STXBP5L: variants seen among roughly 807,000 people sequenced by gnomAD.
STXBP5L encodes syntaxin-binding protein 5-like.
STXBP5L carries 65 observed loss-of-function variants against 144.5 expected under a neutral mutation model. That is an observed-to-expected ratio of 0.45 (90% CI 0.37 to 0.55). The LOEUF is 0.55. Among genes scored for constraint, STXBP5L ranks in the 20% least tolerant of loss-of-function variants. The pLI, the probability that STXBP5L is intolerant of heterozygous loss-of-function variation, is 0.00. For missense variants in STXBP5L, 1,298 were observed against 1,405.5 expected (o/e 0.92, Z 1.22); for synonymous variants, 505 against 469.6 (o/e 1.08, Z -0.97).
rs1295450388 is a variant in STXBP5L, at chr3:121,121,631, G to T, written c.606-10G>T. The T allele has an allele frequency of 1.3e-6, 2 of 1,587,364 alleles. No individual in the cohort carries two copies. Among genetic ancestry groups the T allele is most frequent in the South Asian group, 1.1e-5 (1 of 87,988 alleles). The stretch of plus-strand genomic sequence containing the variant: ...TGGTTTTTAATTACTGTTTTGAATT[G>T]ATTTAACAGATCCACTAAGACTCAT... On this transcript the variant is annotated splice_polypyrimidine_tract_variant and intron_variant, in intron 6 of 26. Transcript: ENST00000471454.
Position 120,909,730 on chromosome 3 carries a change from A to G in STXBP5L, c.152A>G (p.Gln51Arg). Reference sequence around the variant, plus strand: ...GCAGGGGTTCTCAGAGAGGAAATTCAGGAAACTTTGACTTCGGAGTATTTC... The same window carrying G: ...GCAGGGGTTCTCAGAGAGGAAATTCGGGAAACTTTGACTTCGGAGTATTTC... The part of the protein sequence containing the change: ...GTAGVLREEI[Q>R]ETLTSEYFQI... The change falls in exon 2 of 27, where the codon CAG becomes CGG. Residue 51 changes from glutamine (Q) to arginine (R), a missense_variant. Transcript: ENST00000471454. The G allele has an allele frequency of 6.2e-7, 1 of 1,611,792 alleles. No individual in the cohort carries two copies. The highest frequency in any genetic ancestry group is 8.5e-7 in the Non-Finnish European group (1 of 1,179,414).
intron 20 of STXBP5L, among the ~76,000 whole-genome samples, chr3:121,370,256 T>C (rs191154102): frequency 1.3e-5 from 2 of 152,246 alleles, no homozygotes; most frequent in Non-Finnish European, 2.9e-5. Flanking sequence ...TAATCCCAGC[T>C]ACTTGGGAGG....
chr3:120,910,198 C>G (rs1708758222), intron 2 of STXBP5L, among the ~76,000 whole-genome samples: 1 of 152,078 alleles, frequency 6.6e-6, no homozygotes, highest in South Asian at 2.1e-4. Flanking sequence ...TTTAAGGGGG[C>G]CAATGACATT....
chr3:121,069,012 G>T (rs1359328136), intron 5 of STXBP5L, among the ~76,000 whole-genome samples: 2 of 152,080 alleles, frequency 1.3e-5, no homozygotes, highest in African/African-American at 2.4e-5. Flanking sequence ...GTGTGTGTGT[G>T]TGTATACTTG....
At chr3:121,183,310 A>T (rs1484728997) in intron 9 of STXBP5L, among the ~76,000 whole-genome samples, 1 of 152,226 alleles carries the variant, frequency 6.6e-6, no homozygotes, top group African/African-American at 2.4e-5. Flanking sequence ...AGACAAGAGA[A>T]TAAAATGAAA....
At chr3:121,034,591 T>C (rs749790288) in intron 3 of STXBP5L, among the ~76,000 whole-genome samples, 1 of 152,066 alleles carries the variant, frequency 6.6e-6, no homozygotes, top group Non-Finnish European at 1.5e-5. Context: ...TATGTATCTA[T>C]CTAGCTCACA....
chr3:121,031,541 A>T (rs1247960672), intron 3 of STXBP5L, among the ~76,000 whole-genome samples: 3 of 152,060 alleles, frequency 2.0e-5, no homozygotes, highest in African/African-American at 7.2e-5. Context: ...TTACATCTAA[A>T]GGCAGTCTGG....
At chr3:121,314,689 G>A (rs576297490) in intron 19 of STXBP5L, among the ~76,000 whole-genome samples, 63 of 152,210 alleles carry the variant, frequency 4.1e-4, no homozygotes, top group African/African-American at 1.5e-3. Context: ...CCATCAGAGT[G>A]AACAGGCAAC....
intron 20 of STXBP5L, among the ~76,000 whole-genome samples, chr3:121,371,413 G>T (rs947232108): frequency 2.6e-5 from 4 of 152,224 alleles, no homozygotes; most frequent in African/African-American, 9.6e-5. Flanking sequence ...CTGGCCACTG[G>T]TCACAGCATT....
intron 2 of STXBP5L, among the ~76,000 whole-genome samples, chr3:120,920,089 T>C (rs777483615): frequency 1.3e-5 from 2 of 151,844 alleles, no homozygotes; most frequent in Non-Finnish European, 3.0e-5. Context: ...ATATATTTCT[T>C]TTGGTACAAT....
At chr3:121,165,811 C>A (rs954033956) in intron 9 of STXBP5L, among the ~76,000 whole-genome samples, 1 of 152,122 alleles carries the variant, frequency 6.6e-6, no homozygotes, top group Non-Finnish European at 1.5e-5. Context: ...AGTGTGCATT[C>A]CTCCCAGTGG....
At chr3:121,189,837 C>G (rs546959877) in intron 9 of STXBP5L, among the ~76,000 whole-genome samples, 1 of 151,776 alleles carries the variant, frequency 6.6e-6, no homozygotes, top group Admixed American at 6.6e-5. Context: ...ATAAAATGAC[C>G]AACTTAAAAT....
intron 5 of STXBP5L, among the ~76,000 whole-genome samples, chr3:121,089,922 G>T (rs1576914755): frequency 6.6e-6 from 1 of 151,886 alleles, no homozygotes; most frequent in Non-Finnish European, 1.5e-5. Context: ...TTTGTAATTG[G>T]TTCTTTTTAC....
chr3:120,925,673 C>T (rs929854840), intron 2 of STXBP5L, among the ~76,000 whole-genome samples: 1 of 152,170 alleles, frequency 6.6e-6, no homozygotes, highest in African/African-American at 2.4e-5. Context: ...TTTACTACTG[C>T]CATACTATTG....
At chr3:121,241,376 T>TACACAC (rs4048752) in intron 14 of STXBP5L, among the ~76,000 whole-genome samples, 1 of 146,812 alleles carries the variant, frequency 6.8e-6, no homozygotes, top group South Asian at 2.2e-4. Context: ...CACACACACA[T>TACACAC]ACACACACAC....
In STXBP5L at chr3:121,421,836, C is replaced by T. The variant is rs1420076439; in HGVS notation, c.*2739C>T. ...AATTAGCACACCAATTGGAAGTAAA[C>T]AGGTGCTTCTCAAATGCTTGAAAAG... On this transcript the variant is annotated 3_prime_UTR_variant, in exon 27 of 27. Transcript: ENST00000471454. 1 of 152,110 alleles carries T rather than the reference C, an allele frequency of 6.6e-6. No individual in the cohort carries two copies. Among genetic ancestry groups the T allele is most frequent in the Non-Finnish European group, 1.5e-5 (1 of 68,016 alleles). The allele number at this position is 152,110 out of a possible 1,614,324, so 9.4% of individuals were successfully genotyped here.
At chr3:121,113,464 A>G (rs1450154078) in intron 5 of STXBP5L, among the ~76,000 whole-genome samples, 2 of 152,098 alleles carry the variant, frequency 1.3e-5, no homozygotes, top group African/African-American at 4.8e-5. Flanking sequence ...AAATTTTCCA[A>G]CATCATATAG....
At chr3:121,355,597 T>C (rs1471646255) in intron 20 of STXBP5L, among the ~76,000 whole-genome samples, 2 of 152,202 alleles carry the variant, frequency 1.3e-5, no homozygotes, top group Non-Finnish European at 2.9e-5. Flanking sequence ...TAACCTTTTT[T>C]CAAGGTTTTT....
chr3:121,054,403 A>C (rs889210461), intron 5 of STXBP5L, among the ~76,000 whole-genome samples: 8 of 152,138 alleles, frequency 5.3e-5, no homozygotes, highest in African/African-American at 1.7e-4. Context: ...ATGGAATACT[A>C]TGCAGCCATA....
Sources: gnomAD v4.1 joint callset for allele counts (sites outside exome capture counted in the v4.1 genomes callset) on GRCh38, gnomAD v4.1.1 for gene constraint, MANE v1.5 for transcripts, NCBI Gene and HGNC (gene_info 2026-07-23, HGNC 2026-07-21) for gene names.